The following PLCG2 variants were observed in gnomAD, a reference collection of about 807,000 sequenced individuals.
The protein encoded by PLCG2 is 1-phosphatidylinositol 4,5-bisphosphate phosphodiesterase gamma-2.
PLCG2 carries 69 observed loss-of-function variants against 175.6 expected under a neutral mutation model. That is an observed-to-expected ratio of 0.39 (90% confidence interval 0.32 to 0.48). The LOEUF (loss-of-function observed/expected upper bound fraction) is 0.48, where lower values mean the gene tolerates loss of function less well. Among genes scored for constraint, PLCG2 ranks in the 20% least tolerant of loss-of-function variants. The pLI is 0.91. For missense variants in PLCG2, 1,798 were observed against 1,650.9 expected (o/e 1.09, Z -1.54); for synonymous variants, 827 against 624.0 (o/e 1.33, Z -4.85).
intron 12 of PLCG2, 136 bp downstream of exon 12, chr16:81,893,930 G>A (rs1218298255): frequency 5.6e-6 from 3 of 533,228 alleles, no homozygotes; most frequent in Admixed American, 3.9e-5. Flanking sequence ...TGGAGTTAGA[G>A]TGTGATGTTT....
chr16:81,906,800 G>A (rs1909389133), intron 15 of PLCG2, among the ~76,000 whole-genome samples: 1 of 152,182 alleles, frequency 6.6e-6, no homozygotes, highest in African/African-American at 2.4e-5. Flanking sequence ...AGCACCTTGG[G>A]AGGCCGAGGA....
intron 3 of PLCG2, among the ~76,000 whole-genome samples, 176 bp downstream of exon 3, chr16:81,854,763 C>G (rs542443236): frequency 9.2e-5 from 14 of 152,286 alleles, no homozygotes; most frequent in African/African-American, 3.4e-4. Context: ...GTGACTTAAC[C>G]TCTCTGAGCT....
At chr16:81,823,639 C>T (rs1033228540) in intron 2 of PLCG2, among the ~76,000 whole-genome samples, 1 of 152,094 alleles carries the variant, frequency 6.6e-6, no homozygotes, top group African/African-American at 2.4e-5. Flanking sequence ...GATCTTCCCG[C>T]CTCAGTCTCT....
chr16:81,831,763 T>C (rs1466912284), intron 2 of PLCG2, among the ~76,000 whole-genome samples: 1 of 152,110 alleles, frequency 6.6e-6, no homozygotes, highest in Non-Finnish European at 1.5e-5. Context: ...CTTGCCCCAA[T>C]CCTGCCTTGT....
At chr16:81,879,817 C>G (rs1394351097) in intron 7 of PLCG2, among the ~76,000 whole-genome samples, 1 of 152,122 alleles carries the variant, frequency 6.6e-6, no homozygotes, top group Non-Finnish European at 1.5e-5. Flanking sequence ...GGGAGGGGTG[C>G]TCCATGGCGC....
chr16:81,844,622 C>T (rs948106686), intron 2 of PLCG2, among the ~76,000 whole-genome samples: 1 of 152,226 alleles, frequency 6.6e-6, no homozygotes, highest in African/African-American at 2.4e-5. Context: ...GTGCCTGGCC[C>T]ACACCTTCAC....
intron 5 of PLCG2, 71 bp downstream of exon 5, chr16:81,859,234 G>C (rs557840317): frequency 4.4e-5 from 44 of 1,004,724 alleles, no homozygotes; most frequent in South Asian, 3.0e-4. Flanking sequence ...ACCTTCCAAG[G>C]GGGTGGGAGC....
At chr16:81,757,940 A>T (rs1038336867) in intron 2 of PLCG2, among the ~76,000 whole-genome samples, 3 of 151,790 alleles carry the variant, frequency 2.0e-5, no homozygotes, top group African/African-American at 7.3e-5. Flanking sequence ...GGCTTCTTTC[A>T]CTTAGCATCA....
intron 2 of PLCG2, among the ~76,000 whole-genome samples, chr16:81,831,258 CT>C (rs1905247149): frequency 6.6e-6 from 1 of 152,194 alleles, no homozygotes; most frequent in Admixed American, 6.5e-5. Context: ...GGAATTTGGT[CT>C]GTTTTATTCA....
At chr16:81,749,404 G>T (rs982381103) in intron 1 of PLCG2, among the ~76,000 whole-genome samples, 1 of 152,070 alleles carries the variant, frequency 6.6e-6, no homozygotes, top group African/African-American at 2.4e-5. Context: ...CCAGGCCGGA[G>T]TGCAGTGGTG....
intron 30 of PLCG2, among the ~76,000 whole-genome samples, chr16:81,942,324 T>G (rs1910975824): frequency 6.6e-6 from 1 of 152,186 alleles, no homozygotes; most frequent in African/African-American, 2.4e-5. Context: ...GCTTGGAGAT[T>G]TGGAAAAAAC....
chr16:81,821,203 C>T (rs561668580), intron 2 of PLCG2, among the ~76,000 whole-genome samples: 1 of 152,322 alleles, frequency 6.6e-6, no homozygotes, highest in African/African-American at 2.4e-5. Context: ...GCCACATTAC[C>T]CGCTTTATCA....
At chr16:81,742,211 A>T (rs1393245416) in intron 1 of PLCG2, among the ~76,000 whole-genome samples, 1 of 152,072 alleles carries the variant, frequency 6.6e-6, no homozygotes, top group South Asian at 2.1e-4. Context: ...CTCTCAGTCA[A>T]AAGATGACCT....
rs190739819 is a variant in PLCG2, at chr16:81,748,641, T to C, written c.-144-7229T>C. Among the ~76,000 whole-genome samples, 5 of 151,972 alleles carry C rather than the reference T, an allele frequency of 3.3e-5. No individual in the cohort carries two copies. The East Asian group carries it at 5.8e-4, about 18-fold the overall frequency. ...CATGTGCCTGTATAAACTATTCAAA[T>C]TGCAAAAAAATAACTTCAAAGAAGA... On this transcript the variant is annotated intron_variant, in intron 1 of 5. Transcript: ENST00000565054.
intron 26 of PLCG2, 48 bp from the exon 27 acceptor site, chr16:81,936,121 G>A: frequency 6.2e-7 from 1 of 1,603,512 alleles, no homozygotes; most frequent in South Asian, 1.1e-5. Context: ...TTAAGAAAAT[G>A]CACAGATGAG....
At chr16:81,910,864 G>T in intron 18 of PLCG2, 144 bp downstream of exon 18, 1 of 726,292 alleles carries the variant, frequency 1.4e-6, no homozygotes, top group Non-Finnish European at 2.4e-6. Context: ...TGCCGAGGTG[G>T]CCAGTTTCCA....
chr16:81,912,827 C>T (rs543719854), intron 19 of PLCG2, 111 bp downstream of exon 19: 1 of 1,296,086 alleles, frequency 7.7e-7, no homozygotes, highest in Non-Finnish European at 1.0e-6. Flanking sequence ...CCCTGCCCCC[C>T]CAGCATCAGC....
intron 1 of PLCG2, among the ~76,000 whole-genome samples, chr16:81,783,803 A>T (rs951206810): frequency 4.6e-5 from 7 of 151,262 alleles, no homozygotes; most frequent in Non-Finnish European, 8.8e-5. Flanking sequence ...TCTCCTGATA[A>T]GGTAAGATGC....
chr16:81,882,558 A>G (rs11863650), intron 8 of PLCG2, among the ~76,000 whole-genome samples: 96,845 of 151,690 alleles, frequency 0.64, 31,017 homozygotes, highest in Admixed American at 0.7. Flanking sequence ...TGGGTATTGG[A>G]TAGGCACACT....
Sources: allele counts gnomAD v4.1 joint callset (sites outside exome capture counted in the v4.1 genomes callset), GRCh38; gene constraint gnomAD v4.1.1; transcripts MANE v1.5; gene names NCBI Gene and HGNC (gene_info 2026-07-23, HGNC 2026-07-21).